The following ZNF723 variants were observed in gnomAD, a reference collection of about 807,000 sequenced individuals.
ZNF723 encodes the protein zinc finger protein 723, pseudogene.
Under a neutral mutation model 9.4 loss-of-function variants are expected in ZNF723, and 5 were observed. The observed-to-expected ratio is 0.53, with a 90% CI of 0.28 to 1.12. The LOEUF (loss-of-function observed/expected upper bound fraction) is 1.12. Ranked by LOEUF, ZNF723 falls within the 50% of genes most tolerant of loss-of-function variation. ZNF723 has a pLI of 0.10. For synonymous variants in ZNF723, 158 were observed against 168.8 expected, an observed-to-expected ratio of 0.94 and a Z score of 0.49; for missense variants, 450 against 501.5, an observed-to-expected ratio of 0.90 and a Z score of 0.98.
chr19:22,836,133 T>C (rs532190309), intron 1 of ZNF723, among the ~76,000 whole-genome samples: 1 of 151,684 alleles, frequency 6.6e-6, no homozygotes, highest in Admixed American at 6.6e-5. Flanking sequence ...CAAAAGGAGG[T>C]TATTAAAGGC....
chr19:22,822,347 C>T, the ZNF723 span, among the ~76,000 whole-genome samples: 6 of 152,300 alleles, frequency 3.9e-5, no homozygotes, highest in African/African-American at 1.4e-4. Flanking sequence ...TGAATAGTGA[C>T]TGATTTCTGG....
chr19:22,814,869 A>G, the ZNF723 span, among the ~76,000 whole-genome samples: 6 of 152,016 alleles, frequency 3.9e-5, no homozygotes, highest in African/African-American at 1.2e-4. Context: ...GTGACATATC[A>G]CTGGCCCTAG....
At chr19:22,825,655 A>C in the ZNF723 span, among the ~76,000 whole-genome samples, 1 of 152,284 alleles carries the variant, frequency 6.6e-6, no homozygotes, top group South Asian at 2.1e-4. Context: ...CACTGAGCCC[A>C]ACACCTAGGT....
chr19:22,848,743 T>G (rs1967349695), intron 2 of ZNF723, among the ~76,000 whole-genome samples: 1 of 150,298 alleles, frequency 6.7e-6, no homozygotes, highest in African/African-American at 2.4e-5. Flanking sequence ...ATTTATTTAT[T>G]TATTTATTTA....
intron 1 of ZNF723, among the ~76,000 whole-genome samples, chr19:22,846,370 C>A (rs2145220068): frequency 6.6e-6 from 1 of 152,278 alleles, no homozygotes; most frequent in South Asian, 2.1e-4. Flanking sequence ...CACCTGTAAT[C>A]CCAGCAGTTT....
chr19:22,844,848 G>A (rs539779293), intron 1 of ZNF723, among the ~76,000 whole-genome samples: 109 of 152,346 alleles, frequency 7.2e-4, no homozygotes, highest in Middle Eastern at 3.4e-3. Flanking sequence ...CATGGCCGGC[G>A]TGGTGGCTCA....
At chr19:22,851,585 T>G (rs1276531875) in intron 3 of ZNF723, among the ~76,000 whole-genome samples, 1 of 152,160 alleles carries the variant, frequency 6.6e-6, no homozygotes, top group Non-Finnish European at 1.5e-5. Flanking sequence ...AGACTAATCT[T>G]GAACTCCTGG....
chr19:22,818,117 G>A, the ZNF723 span, among the ~76,000 whole-genome samples: 1 of 152,192 alleles, frequency 6.6e-6, no homozygotes, highest in African/African-American at 2.4e-5. Flanking sequence ...GTTACTTGGA[G>A]AGATGATGAC....
intron 1 of ZNF723, among the ~76,000 whole-genome samples, chr19:22,836,068 A>T (rs1967162233): frequency 6.6e-6 from 1 of 152,182 alleles, no homozygotes; most frequent in Non-Finnish European, 1.5e-5. Flanking sequence ...AATAACTGAC[A>T]TAAAAATTGA....
upstream of ZNF723, among the ~76,000 whole-genome samples, chr19:22,831,626 C>T (rs148975258): frequency 6.7e-6 from 1 of 149,660 alleles, no homozygotes; most frequent in South Asian, 2.1e-4. Flanking sequence ...TAAAAAAAAT[C>T]TTGGCCGGGC....
the ZNF723 span, among the ~76,000 whole-genome samples, chr19:22,824,529 C>G: frequency 2.4e-4 from 37 of 152,228 alleles, no homozygotes; most frequent in Admixed American, 1.5e-3. Flanking sequence ...GTCTGCTAGG[C>G]TTTGGGCAAC....
At chr19:22,814,963 T>C in the ZNF723 span, among the ~76,000 whole-genome samples, 1 of 152,042 alleles carries the variant, frequency 6.6e-6, no homozygotes, top group Non-Finnish European at 1.5e-5. Context: ...ATCACCTAGG[T>C]GATATGATTT....
At chr19:22,838,896 C>T (rs1022114574) in intron 1 of ZNF723, among the ~76,000 whole-genome samples, 2 of 151,972 alleles carry the variant, frequency 1.3e-5, no homozygotes, top group African/African-American at 2.4e-5. Context: ...TACAGGCATG[C>T]GCCACTATGC....
At chr19:22,830,188 GAC>G (rs2145200116), upstream of ZNF723, among the ~76,000 whole-genome samples, 1 of 151,892 alleles carries the variant, frequency 6.6e-6, no homozygotes, top group African/African-American at 2.4e-5. Flanking sequence ...TTTTTTTTGA[GAC>G]AGTGTCTCAC....
At chr19:22,829,277 T>C (rs930697108), upstream of ZNF723, among the ~76,000 whole-genome samples, 9 of 143,192 alleles carry the variant, frequency 6.3e-5, no homozygotes, top group Non-Finnish European at 1.0e-4. Flanking sequence ...GATTTGACAC[T>C]ACGTAAGTAC....
At chr19:22,836,110 A>G (rs1967163022) in intron 1 of ZNF723, among the ~76,000 whole-genome samples, 1 of 152,154 alleles carries the variant, frequency 6.6e-6, no homozygotes, top group Non-Finnish European at 1.5e-5. Context: ...AGCTAAGGCT[A>G]ATATTGAGCC....
upstream of ZNF723, among the ~76,000 whole-genome samples, chr19:22,830,864 G>A (rs148660519): frequency 8.3e-3 from 1,268 of 152,256 alleles, 10 homozygotes; most frequent in Middle Eastern, 0.061. Context: ...CTGGGTTGAA[G>A]CAATTCTCCT....
chr19:22,858,036 T>A lies in ZNF723; in HGVS notation c.1145T>A (p.Val382Glu). 1.3e-6 allele frequency: 2 copies of A among 1,484,012 alleles called. No homozygotes were observed. The highest frequency in any genetic ancestry group is 3.5e-5 in the Admixed American group (2 of 56,996). The allele number at this position is 1,484,012 out of a possible 1,614,324, so 91.9% of individuals were successfully genotyped here. The change falls in exon 4 of 4, where the codon GTA becomes GAA. Residue 382 changes from valine to glutamate, a missense_variant. Val to Glu is a moderately radical substitution (Grantham distance 121, BLOSUM62 -2). Around this residue, in one of 5 missense-constraint regions of ZNF723, gnomAD observed 237 missense variants for 332.2 expected, o/e 0.71. Transcript: ENST00000600766. ...EECGKAFKVSVHLTTHKRIHT... is the reference protein window; with the variant it reads ...EECGKAFKVSEHLTTHKRIHT... The stretch of plus-strand genomic sequence containing the variant: ...TGTGGCAAAGCTTTTAAAGTATCTG[T>A]ACACCTTACTACACATAAGAGAATT...
intron 3 of ZNF723, among the ~76,000 whole-genome samples, chr19:22,854,615 T>C (rs1967447320): frequency 6.6e-6 from 1 of 152,098 alleles, no homozygotes; most frequent in African/African-American, 2.4e-5. Context: ...TGTTTCACTT[T>C]TGTATTAATA....
Sources: gnomAD v4.1 joint callset for allele counts (sites outside exome capture counted in the v4.1 genomes callset) on GRCh38, gnomAD v4.1.1 for gene constraint, gnomAD v4.1.1 regional missense constraint, MANE v1.5 for transcripts, NCBI Gene and HGNC (gene_info 2026-07-23, HGNC 2026-07-21) for gene names.